Variants in GPC6 observed in about 807,000 individuals in gnomAD.
GPC6 encodes the protein glypican-6.
GPC6 carries 14 observed loss-of-function variants against 55.2 expected under a neutral mutation model. The observed-to-expected ratio is 0.25, with a 90% CI of 0.17 to 0.40. The LOEUF is 0.40. Ranked by LOEUF, GPC6 falls within the 10% of genes least tolerant of loss-of-function variation. The pLI is 1.00. For synonymous variants in GPC6, 278 were observed against 259.6 expected, an observed-to-expected ratio of 1.07 and a Z score of -0.68; for missense variants, 641 against 708.5, an observed-to-expected ratio of 0.90 and a Z score of 1.08.
chr13:93,542,862 G>C (rs1296581091), intron 1 of GPC6, among the ~76,000 whole-genome samples: 2 of 152,242 alleles, frequency 1.3e-5, no homozygotes, highest in East Asian at 3.9e-4. Flanking sequence ...TGTGATTTTT[G>C]TAGATTGATT....
At chr13:93,587,217 T>C (rs1877245799) in intron 2 of GPC6, among the ~76,000 whole-genome samples, 1 of 152,004 alleles carries the variant, frequency 6.6e-6, no homozygotes, top group African/African-American at 2.4e-5. Context: ...TTTTATTATT[T>C]AGGGATATTA....
chr13:93,830,098 T>G (rs141200631), intron 2 of GPC6, 56 bp from the exon 3 acceptor site: 17,608 of 1,321,086 alleles, frequency 0.013, 156 homozygotes, highest in Non-Finnish European at 0.015. Flanking sequence ...GGTAAGTGGG[T>G]GCCTTGGGCT....
At chr13:94,106,364 A>G (rs1377445624) in intron 4 of GPC6, among the ~76,000 whole-genome samples, 1 of 152,226 alleles carries the variant, frequency 6.6e-6, no homozygotes, top group East Asian at 1.9e-4. Flanking sequence ...GTTTCTCTAC[A>G]TTATGAAAGG....
At chr13:94,082,393 A>G (rs899676025) in intron 4 of GPC6, among the ~76,000 whole-genome samples, 1 of 151,864 alleles carries the variant, frequency 6.6e-6, no homozygotes, top group Admixed American at 6.6e-5. Flanking sequence ...TTCAATCCAA[A>G]CTTATTTCTT....
chr13:93,822,387 G>C (rs963412560), intron 2 of GPC6, among the ~76,000 whole-genome samples: 3 of 152,168 alleles, frequency 2.0e-5, no homozygotes, highest in East Asian at 3.9e-4. Flanking sequence ...TGCTCTCCAG[G>C]CTCGGTTATC....
At chr13:93,634,059 C>A (rs1304639573) in intron 2 of GPC6, among the ~76,000 whole-genome samples, 2 of 152,208 alleles carry the variant, frequency 1.3e-5, no homozygotes, top group African/African-American at 4.8e-5. Context: ...TGTACTGATG[C>A]AGTGAACATA....
At chr13:93,297,308 G>A (rs771496993) in intron 1 of GPC6, among the ~76,000 whole-genome samples, 2 of 152,110 alleles carry the variant, frequency 1.3e-5, no homozygotes, top group Non-Finnish European at 2.9e-5. Flanking sequence ...GGCCTACCAT[G>A]GGGGAGGGCA....
At chr13:93,275,831 G>A (rs1326338752) in intron 1 of GPC6, among the ~76,000 whole-genome samples, 1 of 152,112 alleles carries the variant, frequency 6.6e-6, no homozygotes, top group African/African-American at 2.4e-5. Context: ...TTCAACATAT[G>A]AATTTTGGAG....
chr13:94,303,841 T>TTG (rs1875798693), intron 5 of GPC6, among the ~76,000 whole-genome samples: 1 of 151,596 alleles, frequency 6.6e-6, no homozygotes, highest in African/African-American at 2.4e-5. Flanking sequence ...AGAACACTAA[T>TTG]ATTCTTTCAG....
intron 3 of GPC6, among the ~76,000 whole-genome samples, chr13:93,980,151 G>T (rs1165882063): frequency 1.3e-5 from 2 of 152,090 alleles, no homozygotes; most frequent in African/African-American, 4.8e-5. Flanking sequence ...CATACAGTCA[G>T]CTTGTGCCTG....
intron 4 of GPC6, among the ~76,000 whole-genome samples, chr13:94,126,041 G>A (rs1230548134): frequency 2.0e-5 from 3 of 152,006 alleles, no homozygotes; most frequent in South Asian, 2.1e-4. Context: ...ATATAAGGAG[G>A]GCATCATGAT....
intron 4 of GPC6, among the ~76,000 whole-genome samples, chr13:94,144,082 C>T (rs1047863779): frequency 1.3e-5 from 2 of 151,968 alleles, no homozygotes; most frequent in African/African-American, 4.8e-5. Context: ...GACAGGATTG[C>T]ATTATCATTA....
intron 1 of GPC6, among the ~76,000 whole-genome samples, chr13:93,269,986 G>C (rs971750448): frequency 1.3e-5 from 2 of 151,576 alleles, no homozygotes; most frequent in African/African-American, 4.9e-5. Flanking sequence ...CACACAGCTG[G>C]GCATGGTGGT....
chr13:93,936,127 AT>A (rs1878425071), intron 3 of GPC6, among the ~76,000 whole-genome samples: 1 of 152,220 alleles, frequency 6.6e-6, no homozygotes, highest in Admixed American at 6.5e-5. Flanking sequence ...AGTGAGTGTT[AT>A]ATTTGGATTG....
chr13:93,807,899 T>C (rs1886586204), intron 2 of GPC6, among the ~76,000 whole-genome samples: 1 of 152,222 alleles, frequency 6.6e-6, no homozygotes, highest in African/African-American at 2.4e-5. Flanking sequence ...TCTGTATCCA[T>C]GACAAAGAGG....
chr13:93,596,512 A>G (rs1301282762), intron 2 of GPC6, among the ~76,000 whole-genome samples: 2 of 151,668 alleles, frequency 1.3e-5, no homozygotes, highest in African/African-American at 4.8e-5. Context: ...GATCCTCGAC[A>G]ACGTAATGTT....
At chr13:94,383,089 C>T (rs1278209313) in intron 7 of GPC6, among the ~76,000 whole-genome samples, 2 of 152,150 alleles carry the variant, frequency 1.3e-5, no homozygotes, top group Non-Finnish European at 2.9e-5. Flanking sequence ...TGACAAGAGA[C>T]AGCAGTTTTC....
chr13:94,221,959 G>A (rs765951885), intron 4 of GPC6, among the ~76,000 whole-genome samples: 39 of 151,750 alleles, frequency 2.6e-4, no homozygotes, highest in South Asian at 6.2e-4. Flanking sequence ...TAAATTAAAA[G>A]TCAAGAACTT....
chr13:94,078,557 G>T (rs1337237940), intron 4 of GPC6, among the ~76,000 whole-genome samples: 1 of 151,712 alleles, frequency 6.6e-6, no homozygotes, highest in African/African-American at 2.4e-5. Flanking sequence ...AATGAAAGAA[G>T]AGACATTAAA....
Sources: gnomAD v4.1 joint callset for allele counts (sites outside exome capture counted in the v4.1 genomes callset) on GRCh38, gnomAD v4.1.1 for gene constraint, MANE v1.5 for transcripts, NCBI Gene and HGNC (gene_info 2026-07-23, HGNC 2026-07-21) for gene names.